The following ACP6 variants were observed in gnomAD, a reference collection of about 807,000 sequenced individuals.
ACP6 encodes the protein acid phosphatase 6, lysophosphatidic.
In ACP6, 48 loss-of-function variants were observed where a neutral mutation model predicts 48.1. That is an observed-to-expected ratio of 1.00 (90% confidence interval 0.79 to 1.27). ACP6 has a LOEUF of 1.27. ACP6 is among the 50% of genes most tolerant of loss of function. ACP6 has a pLI of 0.00. For missense variants in ACP6, 485 were observed against 529.1 expected (o/e 0.92, Z 0.82); for synonymous variants, 172 against 204.2 (o/e 0.84, Z 1.34).
intron 5 of ACP6, among the ~76,000 whole-genome samples, chr1:147,632,355 G>A (rs1194452312): frequency 2.6e-5 from 4 of 152,176 alleles, no homozygotes; most frequent in African/African-American, 9.7e-5. Flanking sequence ...CATAGTGTCT[G>A]CACTCTATCA....
At position 147,645,231 on chromosome 1, in the gene ACP6, AAT is replaced by A. The variant is rs1659579708; in HGVS notation, c.*2190_*2191del. The A allele has an allele frequency of 6.6e-6, 1 of 151,128 alleles. No individual in the cohort carries two copies. Among genetic ancestry groups the A allele is most frequent in the African/African-American group, 2.4e-5 (1 of 41,254 alleles). The allele number at this position is 151,128 out of a possible 1,614,324, so 9.4% of individuals were successfully genotyped here. On this transcript the variant is annotated 3_prime_UTR_variant, in exon 10 of 10. Transcript: ENST00000583509. ...TATAAAATTATAATAATTTTATAAA[AAT>A]ATAATAATTTTTGTATTTTTAGTAG...
intron 8 of ACP6, chr1:147,649,767 T>C (rs782349121): frequency 8.5e-6 from 2 of 235,960 alleles, no homozygotes; most frequent in Non-Finnish European, 1.7e-5. Context: ...AAATGCCTTA[T>C]GGATATCATA....
At chr1:147,636,882 C>A (rs782179785) in intron 5 of ACP6, among the ~76,000 whole-genome samples, 6 of 152,174 alleles carry the variant, frequency 3.9e-5, no homozygotes, top group Non-Finnish European at 8.8e-5. Flanking sequence ...TTGCTGCCCT[C>A]CTGGGCACTG....
At chr1:147,653,852 C>G (rs782802657) in intron 6 of ACP6, among the ~76,000 whole-genome samples, 9 of 152,096 alleles carry the variant, frequency 5.9e-5, no homozygotes, top group Non-Finnish European at 5.9e-5. Flanking sequence ...ATAGTACTCT[C>G]AAGAAGTGAT....
In ACP6 at chr1:147,657,652, C is replaced by A. The variant is rs1478298140; in HGVS notation, c.559+1308G>T. On this transcript the variant is annotated intron_variant, in intron 4 of 9. Transcript: ENST00000583509. ...GCCAGGCTGGTCTTGAACTCCTGAT[C>A]TCATGATCCACCCGCCTCAGCCTCC... is the stretch of plus-strand genomic sequence containing the variant. 2.0e-5 allele frequency among the ~76,000 whole-genome samples: 3 copies of A among 152,290 alleles called. No homozygotes were observed. The South Asian group carries it at 6.2e-4, about 32-fold the overall frequency.
In ACP6 at chr1:147,670,115, C is replaced by G; in HGVS notation, c.-67G>C. The G allele has an allele frequency of 7.1e-7, 1 of 1,405,110 alleles. No homozygotes were observed. The highest frequency in any genetic ancestry group is 9.3e-7 in the Non-Finnish European group (1 of 1,070,592). The allele number at this position is 1,405,110 out of a possible 1,614,324, so 87.0% of individuals were successfully genotyped here. A position where few individuals can be genotyped will look rare whatever the true frequency, so the allele number is the denominator to read the frequency against. ...GGCAAACACAAGTCTTCTGCGGGCG[C>G]CGGGGCTCAGCGGGCGCCCCCAAGT... On this transcript the variant is annotated 5_prime_UTR_variant, in exon 1 of 10. Transcript: ENST00000583509.
chr1:147,663,084 G>A (rs1168839919), intron 1 of ACP6, among the ~76,000 whole-genome samples: 1 of 152,180 alleles, frequency 6.6e-6, no homozygotes, highest in Non-Finnish European at 1.5e-5. Context: ...ACATGCTATT[G>A]CATGATAGGA....
At chr1:147,666,989 A>G (rs1660830429) in intron 1 of ACP6, among the ~76,000 whole-genome samples, 1 of 152,140 alleles carries the variant, frequency 6.6e-6, no homozygotes. Flanking sequence ...ATAAAAACTG[A>G]GGAATCTCCC....
chr1:147,639,893 C>T (rs1034211972), downstream of ACP6, among the ~76,000 whole-genome samples: 2 of 152,102 alleles, frequency 1.3e-5, no homozygotes, highest in East Asian at 3.9e-4. Flanking sequence ...GCTCTACCAA[C>T]ACTGGCCCCA....
In ACP6 at chr1:147,669,938, G is replaced by A. The variant is rs1273388714; in HGVS notation, c.111C>T (p.Ala37=). Residue 37 remains alanine (A), a synonymous_variant, in exon 1 of 10, where the codon GCC becomes GCT. Transcript: ENST00000583509. ...RRVALAELQE[A]DGQCPVDRSL... ...TGCGGTCGACCGGACACTGGCCATC[G>A]GCCTCCTGCAGCTCGGCCAGGGCCA... is the stretch of plus-strand genomic sequence containing the variant. 5 of 1,556,584 alleles carry A rather than the reference G, an allele frequency of 3.2e-6. No homozygotes were observed. Among genetic ancestry groups the A allele is most frequent in the Non-Finnish European group, 4.3e-6 (5 of 1,150,578 alleles).
At chr1:147,660,755 T>C (rs966586492) in intron 1 of ACP6, among the ~76,000 whole-genome samples, 1 of 152,250 alleles carries the variant, frequency 6.6e-6, no homozygotes, top group South Asian at 2.1e-4. Flanking sequence ...AAATATTTTG[T>C]TTTATTTTTA....
Position 147,670,024 on chromosome 1 carries a change from G to T in ACP6, c.25C>A (p.Arg9Ser), listed in dbSNP as rs1553214432. Residue 9 changes from arginine to serine, a missense_variant, in exon 1 of 10, where the codon CGC becomes AGC. Transcript: ENST00000583509. ...AGGACGCCCACTGGGGTCCACAAGC[G>T]CATGCTGAACACACCAGTGATCATG... MITGVFSMRLWTPVGVLTS... is the reference protein window; with the variant it reads MITGVFSMSLWTPVGVLTS... The T allele has an allele frequency of 1.9e-6, 3 of 1,542,782 alleles. No homozygotes were observed. The highest frequency in any genetic ancestry group is 2.4e-5 in the South Asian group (2 of 83,824).
At chr1:147,664,941 A>T (rs1660725096) in intron 1 of ACP6, among the ~76,000 whole-genome samples, 1 of 152,220 alleles carries the variant, frequency 6.6e-6, no homozygotes, top group Admixed American at 6.5e-5. Context: ...CTGTACTTAT[A>T]AAGGGTGACA....
Position 147,643,432 on chromosome 1 carries a change from C to A in ACP6, c.*3991G>T. The A allele has an allele frequency of 6.6e-6, 1 of 152,280 alleles. No individual in the cohort carries two copies. 9.4% of individuals were successfully genotyped at this position (152,280 alleles called of 1,614,324 possible). On this transcript the variant is annotated 3_prime_UTR_variant, in exon 10 of 10. Coordinates refer to ENST00000583509, the MANE Select transcript of ACP6 (RefSeq NM_016361.5). ...CAATTCAGCCCATGACAGAAGGTGG[C>A]AGAGTATACCTAAGGCAGGAGGTAG...
intron 4 of ACP6, among the ~76,000 whole-genome samples, chr1:147,656,706 G>T (rs1430327972): frequency 6.6e-6 from 1 of 152,022 alleles, no homozygotes; most frequent in Non-Finnish European, 1.5e-5. Flanking sequence ...TATCTTATAG[G>T]GTTACTACAA....
intron 8 of ACP6, 86 bp downstream of exon 8, chr1:147,650,057 G>T: frequency 8.8e-7 from 1 of 1,131,594 alleles, no homozygotes; most frequent in Non-Finnish European, 1.3e-6. Context: ...CCTGGTTCTT[G>T]CCTCACTAAG....
At chr1:147,649,180 T>C (rs1162216389) in intron 8 of ACP6, among the ~76,000 whole-genome samples, 1 of 152,214 alleles carries the variant, frequency 6.6e-6, no homozygotes, top group African/African-American at 2.4e-5. Context: ...TCTTACGCCA[T>C]CATGAGTTTC....
chr1:147,663,738 C>T (rs1183768521), intron 1 of ACP6, among the ~76,000 whole-genome samples: 1 of 152,172 alleles, frequency 6.6e-6, no homozygotes, highest in Non-Finnish European at 1.5e-5. Flanking sequence ...CTAGAACCTG[C>T]CCACTGTTTC....
At chr1:147,648,907 C>T (rs587650240) in intron 8 of ACP6, among the ~76,000 whole-genome samples, 18 of 152,270 alleles carry the variant, frequency 1.2e-4, no homozygotes, top group African/African-American at 4.3e-4. Flanking sequence ...ATAAGAATGC[C>T]ATTTTAATCT....
Sources: gnomAD v4.1 joint callset for allele counts (sites outside exome capture counted in the v4.1 genomes callset) on GRCh38, gnomAD v4.1.1 for gene constraint, MANE v1.5 for transcripts, NCBI Gene and HGNC (gene_info 2026-07-23, HGNC 2026-07-21) for gene names.